Variants in MPP3 observed in about 807,000 individuals in gnomAD.
MPP3 encodes MAGUK p55 subfamily member 3.
In MPP3, 48 loss-of-function variants were observed where a neutral mutation model predicts 80.7. The ratio of observed to expected loss-of-function variants is 0.59; its 90% confidence interval spans 0.47 to 0.76. The LOEUF is 0.76. Ranked by LOEUF, MPP3 falls within the 30% of genes least tolerant of loss-of-function variation. The pLI, the probability that MPP3 is intolerant of heterozygous loss-of-function variation, is 0.00. For missense variants in MPP3, 620 were observed against 763.0 expected (o/e 0.81, Z 2.21); for synonymous variants, 311 against 297.6 (o/e 1.04, Z -0.46).
At chr17:43,820,825 T>C (rs2045418366) in intron 11 of MPP3, 37 bp downstream of exon 11, 1 of 1,604,680 alleles carries the variant, frequency 6.2e-7, no homozygotes, top group African/African-American at 1.3e-5. Context: ...CCTCTGCCAC[T>C]CTGGAACCAG....
At chr17:43,806,519 A>C (rs16940227) in intron 19 of MPP3, among the ~76,000 whole-genome samples, 7,150 of 152,104 alleles carry the variant, frequency 0.047, 565 homozygotes, top group African/African-American at 0.16. Flanking sequence ...TGTAAGTGTC[A>C]CATAATGGAG....
In MPP3 at chr17:43,814,088, G is replaced by T. The variant is rs1193349976; in HGVS notation, c.1178C>A (p.Ser393Tyr). The T allele has an allele frequency of 1.2e-6, 2 of 1,612,006 alleles. No homozygotes were observed. Among genetic ancestry groups the T allele is most frequent in the Non-Finnish European group, 1.7e-6 (2 of 1,178,574 alleles). ...CAGCTCGTGCAGTCGGGCTCCCAGA[G>T]ACCCTGGGAAACAAGAAGAAGGCTG... is the stretch of plus-strand genomic sequence containing the variant. The part of the protein sequence containing the change: ...ERPRLVVLIG[S>Y]LGARLHELKQ... The change falls in exon 16 of 20, where the codon TCT (serine) becomes TAT (tyrosine). Residue 393 changes from serine to tyrosine, a missense_variant. Ser to Tyr is a moderately radical substitution (Grantham distance 144). Coordinates refer to ENST00000398389, the MANE Select transcript of MPP3 (RefSeq NM_001932.6).
At chr17:43,831,055 C>T (rs146465906) in intron 5 of MPP3, among the ~76,000 whole-genome samples, 189 bp downstream of exon 5, 2 of 152,326 alleles carry the variant, frequency 1.3e-5, no homozygotes, top group East Asian at 1.9e-4. Flanking sequence ...CCAAGGCTCA[C>T]GGGTTCCTCC....
chr17:43,820,221 A>G (rs1396117928), intron 11 of MPP3, among the ~76,000 whole-genome samples: 1 of 152,092 alleles, frequency 6.6e-6, no homozygotes. Flanking sequence ...CTGGGATTAC[A>G]GGCGTGAGTC....
chr17:43,804,536 A>C (rs2044535959), intron 19 of MPP3, among the ~76,000 whole-genome samples: 1 of 152,250 alleles, frequency 6.6e-6, no homozygotes, highest in Non-Finnish European at 1.5e-5. Context: ...CACAGAAAAT[A>C]ACACAAAATA....
At chr17:43,832,330 C>CA (rs2046005593) in intron 2 of MPP3, 1 of 258,040 alleles carries the variant, frequency 3.9e-6, no homozygotes, top group African/African-American at 2.3e-5. Flanking sequence ...CTGACAGTGT[C>CA]AGCTGTCCTC....
rs769412150 is a variant in MPP3 at position 43,827,712 on chromosome 17, T to C, written c.523+39A>G. 4.4e-6 allele frequency: 7 copies of C among 1,597,804 alleles called. No individual in the cohort carries two copies. In the East Asian group the frequency reaches 1.3e-4, roughly 31 times the overall value. ...GTGGAGGGCTCTGGAACAATGGCCA[T>C]GATCGGGGCTGGGCCAGCTTTGCAC... On this transcript the variant is annotated intron_variant, in intron 8 of 19. Coordinates refer to ENST00000398389, the MANE Select transcript of MPP3 (RefSeq NM_001932.6).
intron 8 of MPP3, among the ~76,000 whole-genome samples, chr17:43,826,627 G>A (rs1206522908): frequency 4.6e-5 from 7 of 152,052 alleles, no homozygotes; most frequent in Admixed American, 3.9e-4. Context: ...CTACCCAAAC[G>A]AATCTGGGGC....
At position 43,830,057 on chromosome 17, in the gene MPP3, C is replaced by T; in HGVS notation, c.273G>A (p.Leu91=). 1 of 1,591,462 alleles carries T rather than the reference C, an allele frequency of 6.3e-7. No homozygotes were observed. Among genetic ancestry groups the T allele is most frequent in the Non-Finnish European group, 8.5e-7 (1 of 1,170,300 alleles). The change falls in exon 6 of 20, where the codon CTG becomes CTA. Residue 91 remains leucine, a synonymous_variant. Transcript: ENST00000398389. The part of the protein sequence containing the change: ...AASVHSDERE[L]LQLLSTPHLR... ...GGTGCGGGGTGGACAGCAGCTGGAGCAGCTCCCTCTCATCACTGTGCACGG... is the reference window on the plus strand; with the variant it reads ...GGTGCGGGGTGGACAGCAGCTGGAGTAGCTCCCTCTCATCACTGTGCACGG...
intron 7 of MPP3, among the ~76,000 whole-genome samples, chr17:43,829,449 G>C (rs1023685249): frequency 6.6e-6 from 1 of 152,204 alleles, no homozygotes; most frequent in South Asian, 2.1e-4. Context: ...CTACACAAAG[G>C]GTGTTGGCCA....
intron 12 of MPP3, among the ~76,000 whole-genome samples, chr17:43,816,947 C>T (rs1400412357): frequency 6.6e-6 from 1 of 152,218 alleles, no homozygotes; most frequent in East Asian, 1.9e-4. Context: ...AGCCTCAAGG[C>T]CACTGCCCTT....
intron 10 of MPP3, among the ~76,000 whole-genome samples, 169 bp from the exon 11 acceptor site, chr17:43,821,227 T>G (rs2045446730): frequency 6.6e-6 from 1 of 152,262 alleles, no homozygotes; most frequent in Non-Finnish European, 1.5e-5. Context: ...TTAACTGTTC[T>G]TCAACCATTT....
intron 16 of MPP3, among the ~76,000 whole-genome samples, chr17:43,812,406 C>T (rs1486093826): frequency 1.3e-5 from 2 of 152,160 alleles, no homozygotes; most frequent in African/African-American, 2.4e-5. Flanking sequence ...TTGTATTTAT[C>T]TATGGGTTAC....
At position 43,801,148 on chromosome 17, in the gene MPP3, A is replaced by G. The variant is rs2044395195; in HGVS notation, c.*553T>C. On this transcript the variant is annotated 3_prime_UTR_variant, in exon 20 of 20. Transcript: ENST00000398389. ...ATGGTGAAGTGTGCCTCAGCCTTCC[A>G]GAGAAAATTTACGTATATTCACTAT... is the stretch of plus-strand genomic sequence containing the variant. The G allele has an allele frequency of 6.5e-6, 1 of 153,796 alleles. No homozygotes were observed. The highest frequency in any genetic ancestry group is 2.0e-4 in the South Asian group (1 of 4,918). 9.5% of individuals were successfully genotyped at this position (153,796 alleles called of 1,614,324 possible).
chr17:43,816,776 C>G (rs1367806033), intron 12 of MPP3, 79 bp from the exon 13 acceptor site: 2 of 1,413,402 alleles, frequency 1.4e-6, no homozygotes, highest in African/African-American at 1.4e-5. Context: ...CAGCCACGGC[C>G]CGAGTGCCTG....
Position 43,801,629 on chromosome 17 carries a change from G to T in MPP3, c.*72C>A. The T allele has an allele frequency of 7.0e-7, 1 of 1,423,234 alleles. No homozygotes were observed. The highest frequency in any genetic ancestry group is 9.8e-7 in the Non-Finnish European group (1 of 1,017,976). 88.2% of individuals were successfully genotyped at this position (1,423,234 alleles called of 1,614,324 possible). ...TCCCTCTCTGCGCTTGAGATTCCTTGATGGTAAAATGAGGGAGTCTGGACT... is the reference window on the plus strand; with the variant it reads ...TCCCTCTCTGCGCTTGAGATTCCTTTATGGTAAAATGAGGGAGTCTGGACT... On this transcript the variant is annotated 3_prime_UTR_variant, in exon 20 of 20. Transcript: ENST00000398389.
intron 16 of MPP3, 31 bp from the exon 17 acceptor site, chr17:43,811,236 G>T: frequency 6.4e-7 from 1 of 1,554,906 alleles, no homozygotes. Context: ...GCTGGGCAAA[G>T]AGATGTCACA....
intron 19 of MPP3, among the ~76,000 whole-genome samples, chr17:43,804,694 C>T (rs993342442): frequency 6.6e-6 from 1 of 152,136 alleles, no homozygotes; most frequent in Non-Finnish European, 1.5e-5. Flanking sequence ...ATACATTGGA[C>T]TTTATCACAT....
chr17:43,817,235 G>A (rs1052462583), intron 12 of MPP3, among the ~76,000 whole-genome samples: 12 of 152,150 alleles, frequency 7.9e-5, no homozygotes, highest in African/African-American at 2.7e-4. Context: ...CTCTCTGCAC[G>A]GGGCCCTACC....
Sources: gnomAD v4.1 joint callset for allele counts (sites outside exome capture counted in the v4.1 genomes callset) on GRCh38, gnomAD v4.1.1 for gene constraint, MANE v1.5 for transcripts, NCBI Gene and HGNC (gene_info 2026-07-23, HGNC 2026-07-21) for gene names.